ATP6V0D2: variants seen among roughly 807,000 people sequenced by gnomAD.
ATP6V0D2 encodes the protein ATPase H+ transporting V0 subunit d2, also known as V-type proton ATPase subunit d 2.
A neutral mutation model predicts 40.0 loss-of-function variants in ATP6V0D2; 40 were observed. The ratio of observed to expected loss-of-function variants is 1.00; its 90% confidence interval spans 0.78 to 1.30. The LOEUF is 1.30. ATP6V0D2 is among the 50% of genes most tolerant of loss of function. The pLI, the probability that ATP6V0D2 is intolerant of heterozygous loss-of-function variation, is 0.00. For synonymous variants in ATP6V0D2, 179 were observed against 156.3 expected (o/e 1.15, Z -1.08); for missense variants, 470 against 423.1 (o/e 1.11, Z -0.97).
chr8:86,105,214 G>A lies in ATP6V0D2; in HGVS notation c.130+6106G>A, dbSNP rs1187739415. On this transcript the variant is annotated intron_variant, in intron 1 of 7. Coordinates refer to ENST00000285393, the MANE Select transcript of ATP6V0D2 (RefSeq NM_152565.1). ...CATCCTGAGGCAGAACATTTGCCTC[G>A]TTTGTCTATCTAGCTCCAGAGGCTG... 2.0e-5 allele frequency among the ~76,000 whole-genome samples: 3 copies of A among 152,284 alleles called. No individual in the cohort carries two copies. The South Asian group carries it at 6.2e-4, about 32-fold the overall frequency.
chr8:86,127,616 C>G (rs975818), intron 2 of ATP6V0D2, among the ~76,000 whole-genome samples: 128,905 of 152,026 alleles, frequency 0.85, 54,802 homozygotes, highest in Middle Eastern at 0.89. Context: ...TAGAGAGGCA[C>G]CTTTGCCATG....
Position 86,142,915 on chromosome 8 carries a change from T to C in ATP6V0D2, c.600T>C (p.His200=). 1.2e-6 allele frequency: 2 copies of C among 1,610,834 alleles called. No individual in the cohort carries two copies. Among genetic ancestry groups the C allele is most frequent in the Non-Finnish European group, 1.7e-6 (2 of 1,178,186 alleles). The part of the protein sequence containing the change: ...LEAFYKFCKN[H]GDVTAEVMCP... ...CATTCTATAAATTCTGTAAGAATCATGGTGATGTCACAGCAGAAGTTATGT... is the reference window on the plus strand; with the variant it reads ...CATTCTATAAATTCTGTAAGAATCACGGTGATGTCACAGCAGAAGTTATGT... Residue 200 remains histidine (H), a synonymous_variant, in exon 5 of 8, where the codon CAT becomes CAC. Transcript: ENST00000285393.
intron 2 of ATP6V0D2, among the ~76,000 whole-genome samples, chr8:86,131,050 AT>A: frequency 6.6e-6 from 1 of 152,226 alleles, no homozygotes; most frequent in East Asian, 1.9e-4. Context: ...ATAGTGTCCA[AT>A]GTCCCTTCTG....
At position 86,099,891 on chromosome 8, in the gene ATP6V0D2, A is replaced by G. The variant is rs750407680; in HGVS notation, c.130+783A>G. On this transcript the variant is annotated intron_variant, in intron 1 of 7. Coordinates refer to ENST00000285393, the MANE Select transcript of ATP6V0D2 (RefSeq NM_152565.1). ...ATTTTCATTCTACATATTTATAAACATTTGGAGAAGGGCTTCACCAAACTG... is the reference window on the plus strand; with the variant it reads ...ATTTTCATTCTACATATTTATAAACGTTTGGAGAAGGGCTTCACCAAACTG... Among the ~76,000 whole-genome samples the G allele has an allele frequency of 5.3e-5, 8 of 152,344 alleles. 1 individual carries two copies. Among genetic ancestry groups the G allele is most frequent in the Middle Eastern group, 3.4e-3 (1 of 294 alleles).
intron 2 of ATP6V0D2, among the ~76,000 whole-genome samples, chr8:86,124,062 C>T (rs1408267902): frequency 4.6e-5 from 7 of 152,092 alleles, no homozygotes; most frequent in African/African-American, 1.7e-4. Flanking sequence ...TTTGACACCA[C>T]CATGCCCTTG....
intron 2 of ATP6V0D2, among the ~76,000 whole-genome samples, chr8:86,131,914 A>G (rs1485750426): frequency 6.6e-6 from 1 of 152,220 alleles, no homozygotes; most frequent in Non-Finnish European, 1.5e-5. Context: ...TTCCACTGTT[A>G]TACATGTCCC....
intron 2 of ATP6V0D2, 35 bp downstream of exon 2, chr8:86,113,915 T>C (rs1282686285): frequency 2.5e-6 from 4 of 1,577,480 alleles, no homozygotes; most frequent in Non-Finnish European, 1.7e-6. Flanking sequence ...TAAGCCCCAA[T>C]GTACTCGTGC....
intron 5 of ATP6V0D2, among the ~76,000 whole-genome samples, chr8:86,144,303 C>T (rs949275541): frequency 7.9e-5 from 12 of 152,136 alleles, no homozygotes; most frequent in African/African-American, 2.9e-4. Context: ...TCCTAATTCA[C>T]TTAAAAAGAA....
At chr8:86,122,379 G>C (rs1055976653) in intron 2 of ATP6V0D2, among the ~76,000 whole-genome samples, 3 of 152,072 alleles carry the variant, frequency 2.0e-5, no homozygotes, top group African/African-American at 7.2e-5. Flanking sequence ...ATTCCTAAAG[G>C]CTAATTAAAG....
chr8:86,101,319 G>A (rs570463781), intron 1 of ATP6V0D2, among the ~76,000 whole-genome samples: 5 of 151,732 alleles, frequency 3.3e-5, no homozygotes, highest in Non-Finnish European at 7.4e-5. Context: ...AATTGGCTGG[G>A]CATGGTGGTG....
At chr8:86,150,352 C>A in intron 6 of ATP6V0D2, 64 bp downstream of exon 6, 1 of 1,473,068 alleles carries the variant, frequency 6.8e-7, no homozygotes, top group South Asian at 1.3e-5. Flanking sequence ...GCTTTAGAAG[C>A]TCACACATCA....
intron 2 of ATP6V0D2, among the ~76,000 whole-genome samples, chr8:86,131,420 C>T (rs1206969320): frequency 3.3e-5 from 5 of 151,998 alleles, no homozygotes; most frequent in South Asian, 2.1e-4. Context: ...AGGATGGTCT[C>T]GATCTCTTGA....
chr8:86,133,446 C>A (rs1818854321), intron 2 of ATP6V0D2, among the ~76,000 whole-genome samples: 1 of 151,118 alleles, frequency 6.6e-6, no homozygotes, highest in Non-Finnish European at 1.5e-5. Context: ...CCTCAGCCTC[C>A]CGAGTAGCTA....
At chr8:86,142,653 AG>A (rs1468496660) in intron 4 of ATP6V0D2, among the ~76,000 whole-genome samples, 1 of 147,612 alleles carries the variant, frequency 6.8e-6, no homozygotes, top group Non-Finnish European at 1.5e-5. Flanking sequence ...AGTAATTATA[AG>A]TTATGATAAA....
At chr8:86,144,840 T>C (rs1363869743) in intron 5 of ATP6V0D2, among the ~76,000 whole-genome samples, 2 of 151,564 alleles carry the variant, frequency 1.3e-5, no homozygotes, top group East Asian at 1.9e-4. Flanking sequence ...CTAAGTGTTT[T>C]ATTTTTTAAA....
chr8:86,120,398 C>CA lies in ATP6V0D2; in HGVS notation c.302+6526dup, dbSNP rs550050100. On this transcript the variant is annotated intron_variant, in intron 2 of 7. Coordinates refer to ENST00000285393, the MANE Select transcript of ATP6V0D2 (RefSeq NM_152565.1). ...TGAGTGACAGAGTGAGACCCTGTCT[C>CA]AAAAAAAACCAAAAACAAACATACA... Among the ~76,000 whole-genome samples the CA allele has an allele frequency of 4.6e-5, 7 of 151,342 alleles. No homozygotes were observed. In the South Asian group the frequency reaches 1.0e-3, roughly 23 times the overall value.
chr8:86,131,120 C>A (rs898032071), intron 2 of ATP6V0D2, among the ~76,000 whole-genome samples: 3 of 151,916 alleles, frequency 2.0e-5, no homozygotes, highest in Admixed American at 2.0e-4. Context: ...ACACACAAGC[C>A]CAAAATAATA....
chr8:86,119,114 G>A (rs1167302332), intron 2 of ATP6V0D2, among the ~76,000 whole-genome samples: 2 of 152,070 alleles, frequency 1.3e-5, no homozygotes, highest in Admixed American at 6.6e-5. Context: ...TCATATAAAG[G>A]CAATGTGCCC....
chr8:86,112,749 C>T (rs1818540766), intron 1 of ATP6V0D2, among the ~76,000 whole-genome samples: 1 of 152,036 alleles, frequency 6.6e-6, no homozygotes, highest in Non-Finnish European at 1.5e-5. Flanking sequence ...GAGGAAGTGA[C>T]AATCAACAAA....
Sources: gnomAD v4.1 joint callset for allele counts (sites outside exome capture counted in the v4.1 genomes callset) on GRCh38, gnomAD v4.1.1 for gene constraint, MANE v1.5 for transcripts, NCBI Gene and HGNC (gene_info 2026-07-23, HGNC 2026-07-21) for gene names.